The following EXOC4 variants were observed in gnomAD, a reference collection of about 807,000 sequenced individuals.
EXOC4 encodes exocyst complex component 4, also known as SEC8-like 1.
In EXOC4, 71 loss-of-function variants were observed where a neutral mutation model predicts 107.2. The observed-to-expected ratio is 0.66, with a 90% CI of 0.55 to 0.81. The LOEUF (loss-of-function observed/expected upper bound fraction) is 0.81. EXOC4 is among the 30% of genes least tolerant of loss of function. The pLI is 0.00. For missense variants in EXOC4, 1,108 were observed against 1,189.6 expected, an observed-to-expected ratio of 0.93 and a Z score of 1.01; for synonymous variants, 456 against 441.2, an observed-to-expected ratio of 1.03 and a Z score of -0.42.
At position 133,787,955 on chromosome 7, in the gene EXOC4, TTATATATTTATATA is replaced by T. The variant is rs1304691417; in HGVS notation, c.1515-29362_1515-29349del. ...AGATACTTCTTCCCTGTGCATATAT[TTATATATTTATATA>T]TATATATATATATATATATATATAT... On this transcript the variant is annotated intron_variant, in intron 10 of 17. Transcript: ENST00000253861. Among the ~76,000 whole-genome samples the T allele has an allele frequency of 9.2e-3, 290 of 31,630 alleles. 8 individuals carry two copies. The highest frequency in any genetic ancestry group is 0.021 in the Middle Eastern group (1 of 48). 20.8% of individuals were successfully genotyped at this position (31,630 alleles called of 152,430 possible).
intron 17 of EXOC4, among the ~76,000 whole-genome samples, chr7:134,058,295 C>T (rs1795977411): frequency 6.6e-6 from 1 of 152,168 alleles, no homozygotes; most frequent in Admixed American, 6.5e-5. Context: ...ACAGAATTCA[C>T]TTGTTGACAT....
intron 4 of EXOC4, among the ~76,000 whole-genome samples, chr7:133,313,466 G>T (rs746233583): frequency 4.6e-5 from 7 of 152,042 alleles, no homozygotes; most frequent in Non-Finnish European, 8.8e-5. Flanking sequence ...AGCTGTTCTG[G>T]CTATATAAGT....
chr7:133,940,400 G>A (rs993954437), intron 14 of EXOC4, among the ~76,000 whole-genome samples: 2 of 152,150 alleles, frequency 1.3e-5, no homozygotes, highest in Admixed American at 6.5e-5. Flanking sequence ...CATCTACCAC[G>A]CCTGTTAATC....
At chr7:133,821,108 CA>C (rs1797510683) in intron 11 of EXOC4, among the ~76,000 whole-genome samples, 1 of 152,188 alleles carries the variant, frequency 6.6e-6, no homozygotes. Context: ...GAAGTAAAAA[CA>C]GTAATGATAG....
At chr7:133,380,534 C>T (rs914959927) in intron 7 of EXOC4, among the ~76,000 whole-genome samples, 2 of 152,170 alleles carry the variant, frequency 1.3e-5, no homozygotes, top group African/African-American at 4.8e-5. Context: ...CCCTTTACCT[C>T]TAGGCCTAGC....
intron 7 of EXOC4, among the ~76,000 whole-genome samples, chr7:133,469,586 T>C (rs1798821487): frequency 1.3e-5 from 2 of 152,176 alleles, no homozygotes; most frequent in Admixed American, 6.5e-5. Context: ...TAGTATATAC[T>C]CATCAATCCA....
chr7:133,581,333 C>T (rs1358389796), intron 9 of EXOC4, among the ~76,000 whole-genome samples: 6 of 152,146 alleles, frequency 3.9e-5, no homozygotes, highest in African/African-American at 1.4e-4. Flanking sequence ...GGTACATGTA[C>T]AGGTTTGCTA....
chr7:133,868,265 G>C (rs1196662981), intron 11 of EXOC4, among the ~76,000 whole-genome samples: 1 of 152,142 alleles, frequency 6.6e-6, no homozygotes, highest in Non-Finnish European at 1.5e-5. Flanking sequence ...TCTTAGACCA[G>C]ACTCCACAGA....
intron 5 of EXOC4, among the ~76,000 whole-genome samples, chr7:133,331,177 G>A (rs1376950761): frequency 2.0e-5 from 3 of 151,992 alleles, no homozygotes; most frequent in African/African-American, 4.8e-5. Flanking sequence ...ATTAGCATCC[G>A]CTTAGCTTTC....
chr7:133,692,147 C>CA (rs1178652911), intron 10 of EXOC4, among the ~76,000 whole-genome samples: 1 of 151,910 alleles, frequency 6.6e-6, no homozygotes, highest in Non-Finnish European at 1.5e-5. Flanking sequence ...GCAGTAGTAA[C>CA]AAAAAAACTA....
chr7:133,503,981 G>T (rs1799622266), intron 9 of EXOC4, among the ~76,000 whole-genome samples: 1 of 148,172 alleles, frequency 6.7e-6, no homozygotes, highest in African/African-American at 2.6e-5. Context: ...ACACACGTAT[G>T]TATATGTGTG....
At chr7:133,269,035 GA>G (rs757329393) in intron 1 of EXOC4, among the ~76,000 whole-genome samples, 84 of 151,444 alleles carry the variant, frequency 5.5e-4, no homozygotes, top group Non-Finnish European at 9.2e-4. Context: ...AATAGGAATG[GA>G]AAAAAAAATC....
chr7:134,045,753 A>G (rs145644314), intron 17 of EXOC4, among the ~76,000 whole-genome samples: 75 of 152,142 alleles, frequency 4.9e-4, no homozygotes, highest in Non-Finnish European at 5.1e-4. Context: ...AGGAAACCCC[A>G]TATCCATTAG....
At chr7:133,432,480 G>A (rs1251320103) in intron 7 of EXOC4, among the ~76,000 whole-genome samples, 1 of 152,088 alleles carries the variant, frequency 6.6e-6, no homozygotes, top group Non-Finnish European at 1.5e-5. Context: ...AATTTTGGTA[G>A]ATAGATATAT....
At chr7:133,943,602 T>C (rs1303884461) in intron 14 of EXOC4, among the ~76,000 whole-genome samples, 1 of 152,170 alleles carries the variant, frequency 6.6e-6, no homozygotes, top group Non-Finnish European at 1.5e-5. Context: ...CACTGCCCAA[T>C]GCTATATTTA....
intron 9 of EXOC4, among the ~76,000 whole-genome samples, chr7:133,622,669 A>G (rs964442011): frequency 2.6e-5 from 4 of 152,230 alleles, no homozygotes; most frequent in Middle Eastern, 3.4e-3. Context: ...ACCTACATTT[A>G]TAGTGAGGCT....
At chr7:133,495,919 A>G (rs557795334) in intron 9 of EXOC4, among the ~76,000 whole-genome samples, 93 of 152,188 alleles carry the variant, frequency 6.1e-4, no homozygotes, top group Admixed American at 2.6e-3. Context: ...AAATTGTATG[A>G]CAATATCAGT....
intron 17 of EXOC4, among the ~76,000 whole-genome samples, chr7:134,056,905 G>C (rs190188447): frequency 6.6e-6 from 1 of 152,232 alleles, no homozygotes; most frequent in East Asian, 1.9e-4. Context: ...GAGTTTCTTT[G>C]TTTCAAGTGG....
chr7:133,763,606 G>C (rs1457456946), intron 10 of EXOC4, among the ~76,000 whole-genome samples: 1 of 151,654 alleles, frequency 6.6e-6, no homozygotes, highest in African/African-American at 2.4e-5. Flanking sequence ...ATAGCACTTA[G>C]TAAATGTTAG....
Sources: allele counts gnomAD v4.1 joint callset (sites outside exome capture counted in the v4.1 genomes callset), GRCh38; gene constraint gnomAD v4.1.1; transcripts MANE v1.5; gene names NCBI Gene and HGNC (gene_info 2026-07-23, HGNC 2026-07-21).